The following CCDC30 variants were observed in gnomAD, a reference collection of about 807,000 sequenced individuals.
The protein encoded by CCDC30 is coiled-coil domain-containing protein 30.
A neutral mutation model predicts 100.2 loss-of-function variants in CCDC30; 70 were observed. The ratio of observed to expected loss-of-function variants is 0.70; its 90% CI spans 0.58 to 0.85. The LOEUF (loss-of-function observed/expected upper bound fraction) is 0.85. Among genes scored for constraint, CCDC30 ranks in the 40% least tolerant of loss-of-function variants. CCDC30 has a pLI of 0.00. For missense variants in CCDC30, 652 were observed against 771.2 expected (o/e 0.85, Z 1.83); for synonymous variants, 233 against 269.5 (o/e 0.86, Z 1.33).
At chr1:42,635,677 T>C (rs541225856) in intron 11 of CCDC30, among the ~76,000 whole-genome samples, 8 of 151,902 alleles carry the variant, frequency 5.3e-5, no homozygotes, top group South Asian at 2.1e-4. Context: ...GGCGTGGTGG[T>C]GGGTGCCTGT....
chr1:42,566,508 G>A, intron 7 of CCDC30, 33 bp downstream of exon 11: 2 of 1,568,452 alleles, frequency 1.3e-6, no homozygotes, highest in Non-Finnish European at 1.7e-6. Context: ...TTATGGAAGG[G>A]TTTCAGTTGG....
chr1:42,622,056 G>C (rs1924523), intron 11 of CCDC30, among the ~76,000 whole-genome samples: 5,419 of 151,936 alleles, frequency 0.036, 309 homozygotes, highest in African/African-American at 0.12. Flanking sequence ...ATAGTCATAC[G>C]CATTAACCAT....
At chr1:42,502,653 A>G (rs1234889793) in intron 6 of CCDC30, among the ~76,000 whole-genome samples, 2 of 151,826 alleles carry the variant, frequency 1.3e-5, no homozygotes, top group Admixed American at 6.6e-5. Context: ...CAAGAGAGAA[A>G]CTCTATCCAT....
At chr1:42,474,224 G>A (rs1157391292) in intron 1 of CCDC30, among the ~76,000 whole-genome samples, 1 of 152,112 alleles carries the variant, frequency 6.6e-6, no homozygotes, top group Admixed American at 6.6e-5. Flanking sequence ...TTTAACATTA[G>A]GCAGATGGGG....
intron 11 of CCDC30, among the ~76,000 whole-genome samples, chr1:42,630,692 T>G (rs1231642572): frequency 6.6e-6 from 1 of 152,154 alleles, no homozygotes; most frequent in African/African-American, 2.4e-5. Context: ...CTGTGTATTT[T>G]CAAATAGTCT....
chr1:42,515,728 C>T (rs1644546320), intron 6 of CCDC30, among the ~76,000 whole-genome samples: 1 of 152,146 alleles, frequency 6.6e-6, no homozygotes, highest in Non-Finnish European at 1.5e-5. Flanking sequence ...TGCATCCAGC[C>T]TCTGGAAACC....
intron 11 of CCDC30, among the ~76,000 whole-genome samples, chr1:42,636,685 A>T (rs16829819): frequency 0.018 from 2,691 of 152,020 alleles, 68 homozygotes; most frequent in African/African-American, 0.061. Flanking sequence ...AGACCAAGGT[A>T]GTCCAAGTGC....
At chr1:42,651,480 A>C (rs1648340652) in intron 15 of CCDC30, among the ~76,000 whole-genome samples, 1 of 152,098 alleles carries the variant, frequency 6.6e-6, no homozygotes, top group Non-Finnish European at 1.5e-5. Flanking sequence ...AAAAAAAAAA[A>C]GCTCAACATC....
intron 6 of CCDC30, among the ~76,000 whole-genome samples, chr1:42,522,777 T>C (rs980218806): frequency 6.6e-6 from 1 of 152,232 alleles, no homozygotes; most frequent in African/African-American, 2.4e-5. Flanking sequence ...AAAGTTACAA[T>C]AATACTAGCT....
intron 9 of CCDC30, among the ~76,000 whole-genome samples, 163 bp downstream of exon 13, chr1:42,581,677 G>A (rs1645970364): frequency 6.6e-6 from 1 of 152,140 alleles, no homozygotes; most frequent in Admixed American, 6.6e-5. Flanking sequence ...TTACCACACT[G>A]TATTCTAATT....
chr1:42,491,709 A>T (rs1644145990), intron 4 of CCDC30: 3 of 212,032 alleles, frequency 1.4e-5, no homozygotes, highest in South Asian at 1.6e-4. Flanking sequence ...GTATCAAAAC[A>T]TGTAGCCTTT....
chr1:42,647,378 C>T (rs979204994), intron 15 of CCDC30, among the ~76,000 whole-genome samples: 40 of 152,202 alleles, frequency 2.6e-4, no homozygotes, highest in Admixed American at 1.4e-3. Context: ...GCCAATTCAG[C>T]GAGAGAATAT....
chr1:42,506,181 G>A (rs1477452341), intron 6 of CCDC30, among the ~76,000 whole-genome samples: 1 of 152,152 alleles, frequency 6.6e-6, no homozygotes, highest in Non-Finnish European at 1.5e-5. Flanking sequence ...ATAAGGATGA[G>A]CAATGTTTCA....
chr1:42,533,074 A>AT (rs1644832377), intron 6 of CCDC30, among the ~76,000 whole-genome samples: 1 of 152,196 alleles, frequency 6.6e-6, no homozygotes, highest in Non-Finnish European at 1.5e-5. Context: ...TTTAGTTTTG[A>AT]CGTAAATCTT....
intron 8 of CCDC30, 60 bp from the exon 13 acceptor site, chr1:42,581,300 A>C (rs1201272291): frequency 1.5e-6 from 2 of 1,341,136 alleles, no homozygotes; most frequent in Non-Finnish European, 2.1e-6. Flanking sequence ...TTATTCCCCT[A>C]ATTTGAAAAA....
At chr1:42,614,690 G>C (rs921203362) in intron 11 of CCDC30, among the ~76,000 whole-genome samples, 5 of 151,802 alleles carry the variant, frequency 3.3e-5, no homozygotes, top group African/African-American at 1.2e-4. Context: ...AGGAGGCTGA[G>C]GCAAGAGGAC....
chr1:42,549,354 A>G (rs1645204492), intron 6 of CCDC30, among the ~76,000 whole-genome samples: 1 of 152,226 alleles, frequency 6.6e-6, no homozygotes. Context: ...TGACTATTTC[A>G]TTCACAATCA....
At chr1:42,613,858 C>T (rs1293359514) in intron 11 of CCDC30, among the ~76,000 whole-genome samples, 1 of 152,082 alleles carries the variant, frequency 6.6e-6, no homozygotes, top group Non-Finnish European at 1.5e-5. Context: ...CCTATCTCAT[C>T]CTGTGATTAA....
chr1:42,493,145 A>G lies in CCDC30; in HGVS notation c.241+2916A>G, dbSNP rs114446843. 7.9e-3 allele frequency among the ~76,000 whole-genome samples: 1,197 copies of G among 152,298 alleles called. 21 individuals carry two copies. Among genetic ancestry groups the G allele is most frequent in the African/African-American group, 0.027 (1,119 of 41,576 alleles). On this transcript the variant is annotated intron_variant, in intron 4 of 16. Coordinates refer to ENST00000668663, the Ensembl canonical transcript of CCDC30. ...AAAGGACTCAAAATAATCTAAGTCT[A>G]TACCTCAGAAACCCAGAATAAGGTG... is the stretch of plus-strand genomic sequence containing the variant.
Sources: allele counts gnomAD v4.1 joint callset (sites outside exome capture counted in the v4.1 genomes callset), GRCh38; gene constraint gnomAD v4.1.1; transcripts MANE v1.5; gene names NCBI Gene and HGNC (gene_info 2026-07-23, HGNC 2026-07-21).